Variants in URGCP observed in about 807,000 individuals in gnomAD.
URGCP encodes up-regulator of cell proliferation.
URGCP carries 13 observed loss-of-function variants against 24.6 expected under a neutral mutation model. The ratio of observed to expected loss-of-function variants is 0.53; its 90% CI spans 0.34 to 0.84. URGCP has a LOEUF of 0.84. Among genes scored for constraint, URGCP ranks in the 40% least tolerant of loss-of-function variants. The pLI, the probability that URGCP is intolerant of heterozygous loss-of-function variation, is 0.01. For synonymous variants in URGCP, 444 were observed against 487.2 expected (o/e 0.91, Z 1.17); for missense variants, 899 against 1,194.3 (o/e 0.75, Z 3.64).
intron 3 of URGCP, among the ~76,000 whole-genome samples, chr7:43,883,337 CATATATATATAT>C (rs1215710880): frequency 9.5e-6 from 1 of 105,478 alleles, no homozygotes; most frequent in Non-Finnish European, 1.8e-5. Flanking sequence ...TATATATATA[CATATATATATAT>C]ATATATATAT....
intron 1 of URGCP, among the ~76,000 whole-genome samples, chr7:43,912,999 C>T (rs143972102): frequency 0.011 from 1,627 of 151,548 alleles, 14 homozygotes; most frequent in South Asian, 0.013. Flanking sequence ...TACAGCCATG[C>T]GCCACCATGC....
At chr7:43,882,054 T>G in intron 3 of URGCP, 97 bp from the exon 4 acceptor site, 1 of 1,575,366 alleles carries the variant, frequency 6.3e-7, no homozygotes, top group Non-Finnish European at 8.6e-7. Flanking sequence ...ACCCCAGCAC[T>G]TTAGGAGGCT....
chr7:43,912,548 G>C (rs945131637), intron 1 of URGCP, among the ~76,000 whole-genome samples: 2 of 152,146 alleles, frequency 1.3e-5, no homozygotes, highest in African/African-American at 4.8e-5. Flanking sequence ...TGTTTTGGCT[G>C]TTCAGGATCC....
intron 1 of URGCP, 37 bp from the exon 2 acceptor site, chr7:43,887,853 G>A (rs2095864378): frequency 7.3e-7 from 1 of 1,367,224 alleles, no homozygotes; most frequent in African/African-American, 1.4e-5. Flanking sequence ...CAAAGATGTT[G>A]ATGCCAGCTT....
intron 1 of URGCP, among the ~76,000 whole-genome samples, chr7:43,914,363 G>C (rs1489819984): frequency 6.6e-6 from 1 of 152,052 alleles, no homozygotes; most frequent in Non-Finnish European, 1.5e-5. Context: ...AATTTAGCCG[G>C]GTATGCTAAT....
intron 1 of URGCP, among the ~76,000 whole-genome samples, chr7:43,920,241 G>A (rs1457178060): frequency 6.6e-6 from 1 of 152,222 alleles, no homozygotes; most frequent in Non-Finnish European, 1.5e-5. Flanking sequence ...TAATAAAGCA[G>A]TGGATATAAA....
intron 1 of URGCP, chr7:43,888,329 C>G (rs1176076095): frequency 6.6e-6 from 1 of 152,174 alleles, no homozygotes; most frequent in Non-Finnish European, 1.5e-5. Context: ...TGGTGAAACC[C>G]TGTCTCTACT....
chr7:43,904,532 G>A (rs1423765086), intron 1 of URGCP, among the ~76,000 whole-genome samples: 3 of 152,186 alleles, frequency 2.0e-5, no homozygotes, highest in Non-Finnish European at 4.4e-5. Context: ...GGCTGACTGA[G>A]ATAGCCCTGA....
chr7:43,920,643 T>C (rs1030249086), intron 1 of URGCP, among the ~76,000 whole-genome samples: 1 of 152,240 alleles, frequency 6.6e-6, no homozygotes. Context: ...AAAAAGATTT[T>C]TTTCTCAGTT....
intron 3 of URGCP, among the ~76,000 whole-genome samples, chr7:43,885,554 G>A (rs532500910): frequency 6.6e-6 from 1 of 152,308 alleles, no homozygotes; most frequent in Admixed American, 6.5e-5. Context: ...TCAGTAGAGA[G>A]AGACACAGAG....
chr7:43,892,312 C>A (rs555089596), intron 1 of URGCP, among the ~76,000 whole-genome samples: 45 of 150,776 alleles, frequency 3.0e-4, no homozygotes, highest in Non-Finnish European at 5.6e-4. Context: ...CAACCTCTGC[C>A]TCCCAGGTTC....
intron 1 of URGCP, chr7:43,906,309 A>T (rs1443665182): frequency 5.6e-6 from 1 of 178,144 alleles, no homozygotes; most frequent in Non-Finnish European, 1.1e-5. Flanking sequence ...AGGCCCGCGT[A>T]CCCGGACCCC....
chr7:43,898,250 T>A (rs1200844233), intron 1 of URGCP, among the ~76,000 whole-genome samples: 2 of 152,178 alleles, frequency 1.3e-5, no homozygotes. Context: ...GAGATCAACC[T>A]GAAAACTATC....
At chr7:43,885,096 A>T (rs1311684866) in intron 3 of URGCP, among the ~76,000 whole-genome samples, 1 of 90,108 alleles carries the variant, frequency 1.1e-5, no homozygotes, top group African/African-American at 4.6e-5. Context: ...CTGAATGTAT[A>T]GTATAATTTT....
upstream of URGCP, chr7:43,910,988 A>G (rs2095909469): frequency 1.3e-5 from 2 of 152,256 alleles, no homozygotes; most frequent in African/African-American, 2.4e-5. Flanking sequence ...TGACAGAATT[A>G]AAGAGAAAAA....
Position 43,918,289 on chromosome 7 carries a change from A to G in URGCP, c.-116+7843T>C, listed in dbSNP as rs569770235. On this transcript the variant is annotated intron_variant, in intron 1 of 5. Transcript: ENST00000426198. ...AAAAAAAAAAAAAAAAAAGAAAGAA[A>G]AAAAGGATTTCCTTTCCCTTTCCTT... Among the ~76,000 whole-genome samples, 42 of 151,980 alleles carry G rather than the reference A, an allele frequency of 2.8e-4. No homozygotes were observed. The East Asian group carries it at 7.7e-3, about 28-fold the overall frequency.
At chr7:43,886,409 T>G (rs2095862206) in intron 3 of URGCP, among the ~76,000 whole-genome samples, 1 of 152,246 alleles carries the variant, frequency 6.6e-6, no homozygotes, top group Non-Finnish European at 1.5e-5. Flanking sequence ...TAGTTTATTT[T>G]TTTAGCACAT....
rs141876888 is a variant in URGCP, at chr7:43,916,081, T to C, written c.-116+10051A>G. Among the ~76,000 whole-genome samples, 926 of 152,340 alleles carry C rather than the reference T, an allele frequency of 6.1e-3. 16 individuals carry two copies. Among genetic ancestry groups the C allele is most frequent in the African/African-American group, 0.021 (870 of 41,570 alleles). The stretch of plus-strand genomic sequence containing the variant: ...GAATAAAAGGTTTGTTCTCCGGGCA[T>C]CTTTTTCTTTTCTCCATCCTGTCAG... On this transcript the variant is annotated intron_variant, in intron 1 of 5. Coordinates refer to the URGCP transcript ENST00000426198.
chr7:43,884,184 C>T (rs2095858769), intron 3 of URGCP, among the ~76,000 whole-genome samples: 2 of 152,124 alleles, frequency 1.3e-5, no homozygotes, highest in South Asian at 4.1e-4. Flanking sequence ...TAGCCAAAGA[C>T]TGAGGGTTAC....
Sources: allele counts gnomAD v4.1 joint callset (sites outside exome capture counted in the v4.1 genomes callset), GRCh38; gene constraint gnomAD v4.1.1; transcripts MANE v1.5; gene names NCBI Gene and HGNC (gene_info 2026-07-23, HGNC 2026-07-21).